The following COL24A1 variants were observed in gnomAD, a reference collection of about 807,000 sequenced individuals.
The protein encoded by COL24A1 is collagen alpha-1(XXIV) chain.
In COL24A1, 224 loss-of-function variants were observed where a neutral mutation model predicts 253.9. The ratio of observed to expected loss-of-function variants is 0.88; its 90% confidence interval spans 0.79 to 0.99. The LOEUF is 0.99. COL24A1 is among the 50% of genes least tolerant of loss of function. COL24A1 has a pLI of 0.00. For missense variants in COL24A1, 2,131 were observed against 2,068.5 expected (o/e 1.03, Z -0.59); for synonymous variants, 685 against 673.7 (o/e 1.02, Z -0.26).
intron 19 of COL24A1, among the ~76,000 whole-genome samples, chr1:85,997,055 GTATA>G (rs59071699): frequency 0.28 from 26,306 of 95,056 alleles, 3,990 homozygotes; most frequent in African/African-American, 0.37. Flanking sequence ...GTGTGTGTGT[GTATA>G]TATATATATA....
intron 39 of COL24A1, among the ~76,000 whole-genome samples, chr1:85,846,902 A>G (rs990464755): frequency 5.3e-5 from 8 of 152,158 alleles, no homozygotes; most frequent in African/African-American, 1.9e-4. Flanking sequence ...AACTTTCCTC[A>G]GACAACAAAT....
At chr1:85,912,698 G>A (rs1685491298) in intron 24 of COL24A1, among the ~76,000 whole-genome samples, 1 of 152,124 alleles carries the variant, frequency 6.6e-6, no homozygotes, top group Non-Finnish European at 1.5e-5. Flanking sequence ...CCCTTTGACA[G>A]ATGAGGCAGA....
intron 47 of COL24A1, among the ~76,000 whole-genome samples, chr1:85,789,499 T>G (rs1019657682): frequency 6.6e-6 from 1 of 152,164 alleles, no homozygotes; most frequent in Non-Finnish European, 1.5e-5. Context: ...ATCATTCATC[T>G]GCAAACAGAG....
At chr1:85,926,448 G>A (rs1687231344) in intron 24 of COL24A1, among the ~76,000 whole-genome samples, 1 of 152,202 alleles carries the variant, frequency 6.6e-6, no homozygotes, top group Non-Finnish European at 1.5e-5. Flanking sequence ...ACTGGATTAA[G>A]AATATGTGGC....
At chr1:85,735,007 G>T in intron 58 of COL24A1, 43 bp from the exon 59 acceptor site, 2 of 1,580,800 alleles carry the variant, frequency 1.3e-6, no homozygotes, top group South Asian at 1.1e-5. Context: ...CATGGCAATT[G>T]AGAAACTTAA....
Position 85,823,751 on chromosome 1 carries a change from A to C in COL24A1, c.3682-13T>G, listed in dbSNP as rs1176845021. 1 of 1,611,940 alleles carries C rather than the reference A, an allele frequency of 6.2e-7. No homozygotes were observed. The highest frequency in any genetic ancestry group is 1.3e-5 in the African/African-American group (1 of 74,860). ...CACCCACATGGCCCTAGAAATAGAA[A>C]AGATTACATTATTAGAGTAAGTAGA... is the stretch of plus-strand genomic sequence containing the variant. On this transcript the variant is annotated splice_polypyrimidine_tract_variant and intron_variant, in intron 43 of 59. Transcript: ENST00000370571.
chr1:85,867,885 C>T (rs535237857), intron 37 of COL24A1, among the ~76,000 whole-genome samples: 3 of 152,126 alleles, frequency 2.0e-5, no homozygotes, highest in Admixed American at 6.5e-5. Context: ...GCTGGGATTA[C>T]AAGCACGCAC....
rs753861926 is a variant in COL24A1 at position 86,125,317 on chromosome 1, T to C, written c.1019A>G (p.Glu340Gly). ...HGIQAKEMITEEDTQTNFSLS... is the reference protein window; with the variant it reads ...HGIQAKEMITGEDTQTNFSLS... ...GCTGAAATTTGTCTGAGTATCTTCC[T>C]CAGTGATCATTTCTTTGGCCTGAAT... The change falls in exon 3 of 60, where the codon GAG becomes GGG. Residue 340 changes from glutamate (E) to glycine (G), a missense_variant. By Grantham distance (98) the Glu-to-Gly change is moderately conservative (BLOSUM62 -2). Transcript: ENST00000370571. 1 of 1,613,706 alleles carries C rather than the reference T, an allele frequency of 6.2e-7. No homozygotes were observed. The highest frequency in any genetic ancestry group is 8.5e-7 in the Non-Finnish European group (1 of 1,179,792).
intron 7 of COL24A1, among the ~76,000 whole-genome samples, chr1:86,084,207 G>A (rs1702881589): frequency 1.3e-5 from 2 of 152,160 alleles, no homozygotes; most frequent in Non-Finnish European, 2.9e-5. Flanking sequence ...TTGAGAACAA[G>A]ATGAAAATCA....
At chr1:86,047,673 T>C (rs898330505) in intron 11 of COL24A1, among the ~76,000 whole-genome samples, 1 of 152,096 alleles carries the variant, frequency 6.6e-6, no homozygotes, top group African/African-American at 2.4e-5. Flanking sequence ...AAGAAGTTAA[T>C]TCATGTATGT....
At chr1:86,030,511 A>G (rs915392708) in intron 14 of COL24A1, 7 of 152,488 alleles carry the variant, frequency 4.6e-5, no homozygotes, top group African/African-American at 1.7e-4. Flanking sequence ...GGAAGTCTGC[A>G]TTTCTCATTC....
intron 32 of COL24A1, among the ~76,000 whole-genome samples, chr1:85,884,720 C>T (rs1393519458): frequency 6.6e-6 from 1 of 152,122 alleles, no homozygotes; most frequent in East Asian, 1.9e-4. Context: ...TGGTAAAACA[C>T]CAGTTTATTC....
intron 12 of COL24A1, among the ~76,000 whole-genome samples, chr1:86,036,631 T>C (rs147350922): frequency 7.2e-5 from 11 of 152,212 alleles, no homozygotes; most frequent in African/African-American, 2.4e-4. Context: ...ACAGGTGAGG[T>C]TCTATATTCT....
intron 52 of COL24A1, among the ~76,000 whole-genome samples, chr1:85,777,402 G>A (rs1668653324): frequency 6.6e-6 from 1 of 151,896 alleles, no homozygotes; most frequent in Non-Finnish European, 1.5e-5. Flanking sequence ...AAATATTGCT[G>A]TTTTAAAATA....
chr1:86,075,479 T>C (rs1702183998), intron 7 of COL24A1, among the ~76,000 whole-genome samples: 1 of 152,160 alleles, frequency 6.6e-6, no homozygotes, highest in African/African-American at 2.4e-5. Context: ...GAGGAGCTGG[T>C]ACCATTCCTT....
At chr1:86,086,797 C>T (rs1703096403) in intron 7 of COL24A1, among the ~76,000 whole-genome samples, 1 of 152,158 alleles carries the variant, frequency 6.6e-6, no homozygotes, top group African/African-American at 2.4e-5. Context: ...ATGACACAAA[C>T]TTGTCCCAAG....
At chr1:86,042,239 G>T (rs747797103) in intron 12 of COL24A1, among the ~76,000 whole-genome samples, 1 of 151,958 alleles carries the variant, frequency 6.6e-6, no homozygotes, top group East Asian at 1.9e-4. Flanking sequence ...AAAACATTTC[G>T]AATGCCAACA....
At chr1:86,113,487 T>C (rs1705815399) in intron 4 of COL24A1, among the ~76,000 whole-genome samples, 1 of 152,166 alleles carries the variant, frequency 6.6e-6, no homozygotes, top group Non-Finnish European at 1.5e-5. Context: ...GACAGAGGTG[T>C]CAGCAATGCA....
intron 43 of COL24A1, among the ~76,000 whole-genome samples, chr1:85,831,313 A>G (rs957641089): frequency 6.6e-6 from 1 of 152,122 alleles, no homozygotes; most frequent in Non-Finnish European, 1.5e-5. Context: ...GAGTGAGAAT[A>G]TGAGCAAACT....
Sources: allele counts gnomAD v4.1 joint callset (sites outside exome capture counted in the v4.1 genomes callset), GRCh38; gene constraint gnomAD v4.1.1; transcripts MANE v1.5; gene names NCBI Gene and HGNC (gene_info 2026-07-23, HGNC 2026-07-21).